SLC4A5: variants seen among roughly 807,000 people sequenced by gnomAD.
SLC4A5 encodes electrogenic sodium bicarbonate cotransporter 4.
A neutral mutation model predicts 120.4 loss-of-function variants in SLC4A5; 96 were observed. The observed-to-expected ratio is 0.80, with a 90% CI of 0.68 to 0.94. The LOEUF is 0.94. Ranked by LOEUF, SLC4A5 falls within the 40% of genes least tolerant of loss-of-function variation. The pLI is 0.00. For synonymous variants in SLC4A5, 550 were observed against 571.1 expected (o/e 0.96, Z 0.53); for missense variants, 1,259 against 1,459.5 (o/e 0.86, Z 2.24).
chr2:74,325,357 C>A (rs1384409634), intron 5 of SLC4A5, among the ~76,000 whole-genome samples: 1 of 152,202 alleles, frequency 6.6e-6, no homozygotes, highest in Non-Finnish European at 1.5e-5. Flanking sequence ...CCTTCCAGTT[C>A]TGGACTAGCT....
intron 6 of SLC4A5, among the ~76,000 whole-genome samples, chr2:74,310,610 CTT>C (rs1672776185): frequency 6.6e-6 from 1 of 152,072 alleles, no homozygotes; most frequent in African/African-American, 2.4e-5. Context: ...TCTTAATTGA[CTT>C]TTGAATACTA....
intron 25 of SLC4A5, among the ~76,000 whole-genome samples, chr2:74,229,881 G>GTTTT (rs776603381): frequency 2.9e-5 from 4 of 138,998 alleles, no homozygotes; most frequent in South Asian, 2.3e-4. Context: ...TCTGAATGAG[G>GTTTT]TTTTTTTTTT....
chr2:74,242,814 G>A (rs1670489892), intron 19 of SLC4A5, among the ~76,000 whole-genome samples: 1 of 152,052 alleles, frequency 6.6e-6, no homozygotes, highest in Non-Finnish European at 1.5e-5. Context: ...CACCATGCCT[G>A]GTTAATTTTT....
chr2:74,222,091 C>T (rs1267850166), intron 29 of SLC4A5, among the ~76,000 whole-genome samples: 1 of 152,182 alleles, frequency 6.6e-6, no homozygotes, highest in Non-Finnish European at 1.5e-5. Context: ...ACAGCACAAC[C>T]ACCACGAGGA....
chr2:74,262,015 G>T, intron 11 of SLC4A5, 122 bp downstream of exon 11: 1 of 823,026 alleles, frequency 1.2e-6, no homozygotes, highest in Non-Finnish European at 1.9e-6. Flanking sequence ...TCCTCCTGAT[G>T]CATGCCCTGA....
intron 19 of SLC4A5, among the ~76,000 whole-genome samples, chr2:74,246,776 A>T (rs1670625203): frequency 6.6e-6 from 1 of 152,066 alleles, no homozygotes; most frequent in South Asian, 2.1e-4. Flanking sequence ...ATTACCCCAC[A>T]CTGAGGCAAA....
Position 74,255,598 on chromosome 2 carries a change from TG to T in SLC4A5, c.1025+176del, listed in dbSNP as rs1670939545. On this transcript the variant is annotated intron_variant, in intron 13 of 30. Coordinates refer to ENST00000394019, the Ensembl canonical transcript of SLC4A5. The surrounding 1 kb of genome is among the most constrained non-coding windows in gnomAD (Gnocchi z 4.0). ...GTGAGCCACCGCACCTGGCCTCTTTTGTTATTATTTTTAATAAACTCTAAAA... is the reference window on the plus strand; with the variant it reads ...GTGAGCCACCGCACCTGGCCTCTTTTTTATTATTTTTAATAAACTCTAAAA... Among the ~76,000 whole-genome samples the T allele has an allele frequency of 6.6e-6, 1 of 152,208 alleles. No individual in the cohort carries two copies. The highest frequency in any genetic ancestry group is 2.4e-5 in the African/African-American group (1 of 41,464).
At chr2:74,300,285 T>C (rs1419217784) in intron 7 of SLC4A5, among the ~76,000 whole-genome samples, 1 of 152,212 alleles carries the variant, frequency 6.6e-6, no homozygotes, top group South Asian at 2.1e-4. Context: ...CTATAGTTAA[T>C]AATACTGTAT....
At chr2:74,252,798 G>A (rs560545408) in intron 15 of SLC4A5, among the ~76,000 whole-genome samples, 176 bp downstream of exon 15, 108 of 152,238 alleles carry the variant, frequency 7.1e-4, no homozygotes, top group African/African-American at 2.5e-3. Context: ...ATGTTGCCCA[G>A]GCTGGTTTCA....
At chr2:74,221,321 A>T in intron 30 of SLC4A5, 113 bp downstream of exon 30, 1 of 721,648 alleles carries the variant, frequency 1.4e-6, no homozygotes, top group East Asian at 2.8e-5. Context: ...GGGGGCCAGC[A>T]AGGGCCTTCT....
intron 5 of SLC4A5, among the ~76,000 whole-genome samples, chr2:74,323,986 T>A (rs908526640): frequency 6.6e-6 from 1 of 152,258 alleles, no homozygotes; most frequent in Non-Finnish European, 1.5e-5. Context: ...TGGAGGAAGC[T>A]GGAATGGAGT....
chr2:74,240,283 C>T (rs1670397966), intron 20 of SLC4A5, among the ~76,000 whole-genome samples: 2 of 152,100 alleles, frequency 1.3e-5, no homozygotes, highest in African/African-American at 2.4e-5. Context: ...ATTCTACTTC[C>T]TCTTTGAGGC....
chr2:74,242,193 C>T, intron 19 of SLC4A5, 141 bp from the exon 20 acceptor site: 2 of 652,976 alleles, frequency 3.1e-6, no homozygotes. Flanking sequence ...CTCCACCTTC[C>T]TCACTTTGCC....
chr2:74,332,509 C>T (rs889981068), intron 4 of SLC4A5, among the ~76,000 whole-genome samples: 2 of 152,166 alleles, frequency 1.3e-5, no homozygotes, highest in African/African-American at 4.8e-5. Flanking sequence ...GTCTGGACAT[C>T]ATAATGAATC....
intron 30 of SLC4A5, among the ~76,000 whole-genome samples, chr2:74,220,934 G>A (rs1434527344): frequency 1.3e-4 from 18 of 138,136 alleles, no homozygotes; most frequent in African/African-American, 3.9e-4. Context: ...TCTGCCTCCT[G>A]GGTTCATGCC....
chr2:74,251,747 G>C (rs920700984), intron 16 of SLC4A5, among the ~76,000 whole-genome samples: 1 of 152,206 alleles, frequency 6.6e-6, no homozygotes, highest in African/African-American at 2.4e-5. Context: ...GGAACACCAA[G>C]GACTGCTGGC....
chr2:74,240,668 C>T (rs1010488190), intron 20 of SLC4A5, among the ~76,000 whole-genome samples: 3 of 151,654 alleles, frequency 2.0e-5, no homozygotes, highest in African/African-American at 7.3e-5. Context: ...ACTCGAGAGG[C>T]TGAGGCAGGA....
rs1694859822 is a variant in SLC4A5, at chr2:74,226,941, C to A, written c.3090+16G>T. 1 of 1,609,080 alleles carries A rather than the reference C, an allele frequency of 6.2e-7. No individual in the cohort carries two copies. The highest frequency in any genetic ancestry group is 2.2e-5 in the East Asian group (1 of 44,772). ...CAACCTGCCAGGCAGGAGGGGGAAG[C>A]CCGTGCCCACTTTACCATGACCGGG... is the stretch of plus-strand genomic sequence containing the variant. On this transcript the variant is annotated intron_variant, in intron 27 of 30. Transcript: ENST00000394019.
chr2:74,286,519 TTTC>T (rs1244113293), intron 7 of SLC4A5, among the ~76,000 whole-genome samples: 2 of 152,216 alleles, frequency 1.3e-5, no homozygotes, highest in African/African-American at 2.4e-5. Context: ...TCTCTTTTTC[TTTC>T]TTTTCCTTCC....
Sources: gnomAD v4.1 joint callset for allele counts (sites outside exome capture counted in the v4.1 genomes callset) on GRCh38, gnomAD v4.1.1 for gene constraint, Gnocchi (gnomAD v3.1) non-coding constraint, MANE v1.5 for transcripts, NCBI Gene and HGNC (gene_info 2026-07-23, HGNC 2026-07-21) for gene names.